The following ANO4 variants were observed in gnomAD, a reference collection of about 807,000 sequenced individuals.
The protein encoded by ANO4 is anoctamin 4.
ANO4 carries 69 observed loss-of-function variants against 141.9 expected under a neutral mutation model. The observed-to-expected ratio is 0.49, with a 90% CI of 0.40 to 0.59. The LOEUF is 0.59. Among genes scored for constraint, ANO4 ranks in the 20% least tolerant of loss-of-function variants. The probability of loss-of-function intolerance (pLI) is 0.00; values close to 1 mark genes in which losing one functional copy is unlikely to be tolerated. For synonymous variants in ANO4, 350 were observed against 394.3 expected (o/e 0.89, Z 1.33); for missense variants, 894 against 1,162.2 (o/e 0.77, Z 3.36).
intron 1 of ANO4, among the ~76,000 whole-genome samples, chr12:100,883,105 A>G (rs1174784466): frequency 6.6e-6 from 1 of 152,234 alleles, no homozygotes; most frequent in Admixed American, 6.5e-5. Context: ...CATGTCTTAT[A>G]AAATAAAACA....
chr12:100,779,750 G>A (rs1462687039), intron 3 of ANO4, among the ~76,000 whole-genome samples: 2 of 152,060 alleles, frequency 1.3e-5, no homozygotes, highest in African/African-American at 2.4e-5. Context: ...TTGCTTGTCT[G>A]TTCTGTCATC....
At chr12:101,100,978 G>T (rs1302458313) in intron 22 of ANO4, among the ~76,000 whole-genome samples, 1 of 152,154 alleles carries the variant, frequency 6.6e-6, no homozygotes, top group Non-Finnish European at 1.5e-5. Flanking sequence ...GCCTGTTTTT[G>T]TAAATAAAGT....
intron 1 of ANO4, among the ~76,000 whole-genome samples, chr12:100,851,799 G>C (rs1475451386): frequency 2.0e-5 from 3 of 152,192 alleles, no homozygotes; most frequent in East Asian, 3.9e-4. Flanking sequence ...GAGACCTGTG[G>C]GGGGAGGGGA....
Position 100,909,410 on chromosome 12 carries a change from A to G in ANO4, c.55+7570A>G, listed in dbSNP as rs547039726. On this transcript the variant is annotated intron_variant, in intron 2 of 27. Coordinates refer to ENST00000392977, the MANE Select transcript of ANO4 (RefSeq NM_001286615.2). Reference sequence around the variant, plus strand: ...GTAGGACTCCTTGATTTCTTCTGCTACCTTGACTACACACAGCGAGGGAGA... The same window carrying G: ...GTAGGACTCCTTGATTTCTTCTGCTGCCTTGACTACACACAGCGAGGGAGA... Among the ~76,000 whole-genome samples the G allele has an allele frequency of 2.6e-5, 4 of 152,194 alleles. No individual in the cohort carries two copies. The South Asian group carries it at 8.3e-4, about 32-fold the overall frequency.
chr12:100,965,652 C>T (rs555785802), intron 5 of ANO4, among the ~76,000 whole-genome samples: 1 of 151,874 alleles, frequency 6.6e-6, no homozygotes, highest in South Asian at 2.1e-4. Flanking sequence ...CTTTTAGTTC[C>T]CGGAACAATC....
intron 7 of ANO4, 75 bp from the exon 8 acceptor site, chr12:100,987,464 C>T (rs1160876588): frequency 1.2e-5 from 19 of 1,556,590 alleles, no homozygotes; most frequent in Admixed American, 1.8e-5. Flanking sequence ...TGTGGCTCTG[C>T]GGAGACCTTC....
At chr12:101,101,948 G>A (rs993695069) in intron 22 of ANO4, among the ~76,000 whole-genome samples, 2 of 152,144 alleles carry the variant, frequency 1.3e-5, no homozygotes, top group African/African-American at 4.8e-5. Context: ...GCTGGGCGCA[G>A]TGGCAGGCGT....
chr12:100,929,642 C>G (rs1283525335), intron 3 of ANO4, among the ~76,000 whole-genome samples: 1 of 152,080 alleles, frequency 6.6e-6, no homozygotes, highest in African/African-American at 2.4e-5. Context: ...AGCAGAATTG[C>G]TGGATCATAT....
At chr12:101,063,757 T>C (rs2048453662) in intron 14 of ANO4, among the ~76,000 whole-genome samples, 2 of 137,406 alleles carry the variant, frequency 1.5e-5, no homozygotes, top group Non-Finnish European at 3.1e-5. Context: ...TTTTTTTTTT[T>C]TTTTTTTTTT....
At chr12:100,941,957 A>AATT (rs138288410) in intron 4 of ANO4, among the ~76,000 whole-genome samples, 22,049 of 142,958 alleles carry the variant, frequency 0.15, 1,942 homozygotes, top group Middle Eastern at 0.23. Flanking sequence ...CAATGAAAAA[A>AATT]ATTATTATTA....
intron 1 of ANO4, among the ~76,000 whole-genome samples, chr12:100,821,508 T>C (rs1171008070): frequency 6.6e-6 from 1 of 151,812 alleles, no homozygotes; most frequent in Non-Finnish European, 1.5e-5. Context: ...TTGGAGAATA[T>C]GCTTTCAGGT....
chr12:101,022,700 C>T (rs958465294), intron 9 of ANO4, among the ~76,000 whole-genome samples: 1 of 152,130 alleles, frequency 6.6e-6, no homozygotes, highest in Non-Finnish European at 1.5e-5. Flanking sequence ...CAAATGGCAT[C>T]TTCACTAATA....
At chr12:100,732,870 A>G (rs1173581355) in intron 1 of ANO4, among the ~76,000 whole-genome samples, 1 of 152,214 alleles carries the variant, frequency 6.6e-6, no homozygotes, top group African/African-American at 2.4e-5. Flanking sequence ...GCTGATATGC[A>G]ATGCACCTGT....
chr12:101,017,258 A>T (rs2046350502), intron 8 of ANO4, among the ~76,000 whole-genome samples: 1 of 152,164 alleles, frequency 6.6e-6, no homozygotes, highest in Admixed American at 6.5e-5. Context: ...GTGCAGGGGA[A>T]CTGCCCTGTA....
intron 8 of ANO4, among the ~76,000 whole-genome samples, chr12:101,016,131 T>C (rs987531352): frequency 2.0e-5 from 3 of 152,166 alleles, no homozygotes; most frequent in Non-Finnish European, 1.5e-5. Flanking sequence ...GCCCCTGTGT[T>C]AGGTTATTTG....
chr12:101,104,627 GTATATATATATA>G (rs1167784816), intron 22 of ANO4, among the ~76,000 whole-genome samples: 221 of 62,046 alleles, frequency 3.6e-3, no homozygotes, highest in African/African-American at 0.013. Context: ...ATGTATGTGT[GTATATATATATA>G]TATATATATA....
intron 1 of ANO4, among the ~76,000 whole-genome samples, chr12:100,869,037 A>T (rs1381133741): frequency 6.6e-6 from 1 of 152,216 alleles, no homozygotes; most frequent in African/African-American, 2.4e-5. Context: ...CCACATAAAC[A>T]CAGACTACCC....
chr12:101,068,217 T>C (rs1394479643), intron 14 of ANO4: 10 of 1,354,468 alleles, frequency 7.4e-6, no homozygotes, highest in Non-Finnish European at 5.9e-6. Flanking sequence ...CCAGCAAGAG[T>C]AGAACGAGGC....
chr12:101,086,853 G>A lies in ANO4; in HGVS notation c.1701+29G>A, dbSNP rs202183610. The A allele has an allele frequency of 5.0e-6, 8 of 1,605,114 alleles. No homozygotes were observed. The Admixed American group carries it at 5.0e-5, about 10-fold the overall frequency. On this transcript the variant is annotated intron_variant, in intron 17 of 27. Transcript: ENST00000392977. ...AGTGAGCTGCAGTGGCTAGCCAAAC[G>A]GATCAAAATGTGTGGGCTGCAAGTG...
Sources: gnomAD v4.1 joint callset for allele counts (sites outside exome capture counted in the v4.1 genomes callset) on GRCh38, gnomAD v4.1.1 for gene constraint, MANE v1.5 for transcripts, NCBI Gene and HGNC (gene_info 2026-07-23, HGNC 2026-07-21) for gene names.